Variants in TVP23C observed in about 807,000 individuals in gnomAD.
TVP23C encodes the protein Golgi apparatus membrane protein TVP23 homolog C.
In TVP23C, 19 loss-of-function variants were observed where a neutral mutation model predicts 28.7. The observed-to-expected ratio is 0.66, with a 90% CI of 0.46 to 0.97. The LOEUF is 0.97. Among genes scored for constraint, TVP23C ranks in the 50% least tolerant of loss-of-function variants. TVP23C has a pLI of 0.00. For synonymous variants in TVP23C, 68 were observed against 81.7 expected (o/e 0.83, Z 0.90); for missense variants, 186 against 241.3 (o/e 0.77, Z 1.52).
chr17:15,535,416 T>C (rs558716835), downstream of TVP23C, among the ~76,000 whole-genome samples: 4,651 of 150,252 alleles, frequency 0.031, 247 homozygotes, highest in African/African-American at 0.11. Context: ...AACTACACAG[T>C]GTAGGTGTTC....
downstream of TVP23C, among the ~76,000 whole-genome samples, chr17:15,532,836 T>C (rs907811746): frequency 6.6e-6 from 1 of 152,212 alleles, no homozygotes; most frequent in Non-Finnish European, 1.5e-5. Context: ...ATCTACTACA[T>C]TCACTTAGAA....
chr17:15,555,390 A>C (rs779517105), intron 1 of TVP23C, 26 bp from the exon 2 acceptor site: 4 of 1,613,924 alleles, frequency 2.5e-6, no homozygotes, highest in Non-Finnish European at 3.4e-6. Flanking sequence ...AATGGTCAAG[A>C]AGCAAAACAA....
chr17:15,544,964 T>C (rs1387199371), intron 5 of TVP23C, among the ~76,000 whole-genome samples: 4 of 152,158 alleles, frequency 2.6e-5, no homozygotes, highest in Non-Finnish European at 4.4e-5. Context: ...TATTTATTCA[T>C]ATCAGATATA....
chr17:15,507,114 G>T, intron 5 of TVP23C: 1 of 960,696 alleles, frequency 1.0e-6, no homozygotes, highest in Non-Finnish European at 1.7e-6. Flanking sequence ...ATTTGATGTC[G>T]AGGACTTCAC....
intron 5 of TVP23C, among the ~76,000 whole-genome samples, chr17:15,514,121 A>T (rs1236122269): frequency 1.3e-5 from 2 of 152,222 alleles, no homozygotes; most frequent in African/African-American, 2.4e-5. Flanking sequence ...CAGAGGCTGG[A>T]CTTTCAAGGT....
chr17:15,506,234 A>G (rs1187878446), intron 5 of TVP23C, among the ~76,000 whole-genome samples: 1 of 150,950 alleles, frequency 6.6e-6, no homozygotes, highest in Admixed American at 6.6e-5. Context: ...GTTTAGCTCA[A>G]GGTTTGTGAG....
At chr17:15,530,505 T>A (rs1469708207) in intron 5 of TVP23C, among the ~76,000 whole-genome samples, 1 of 152,228 alleles carries the variant, frequency 6.6e-6, no homozygotes, top group African/African-American at 2.4e-5. Context: ...CATTATTTCA[T>A]AAGTACTGCT....
chr17:15,553,922 G>A (rs551590066), intron 2 of TVP23C, 93 bp from the exon 3 acceptor site: 1 of 1,579,282 alleles, frequency 6.3e-7, no homozygotes, highest in East Asian at 2.2e-5. Context: ...TCGTGTAACT[G>A]TGAAGAGTTT....
intron 5 of TVP23C, among the ~76,000 whole-genome samples, chr17:15,525,020 T>G (rs2654410): frequency 6.6e-6 from 1 of 152,214 alleles, no homozygotes; most frequent in African/African-American, 2.4e-5. Flanking sequence ...TCTCCAGGAA[T>G]GAGGTGTCTC....
rs576576726 is a variant in TVP23C, at chr17:15,509,839, T to C, written c.463-6607A>G. On this transcript the variant is annotated intron_variant, in intron 5 of 5. Transcript: ENST00000225576. The stretch of plus-strand genomic sequence containing the variant: ...TCCTTCCCTGGCTCACATGGCATGC[T>C]CTCACTTGGCTCTTACTGTGCTCTT... Among the ~76,000 whole-genome samples the C allele has an allele frequency of 3.3e-5, 5 of 152,350 alleles. No individual in the cohort carries two copies. In the East Asian group the frequency reaches 9.6e-4, roughly 29 times the overall value.
intron 3 of TVP23C, among the ~76,000 whole-genome samples, chr17:15,551,108 T>C (rs532916727): frequency 6.6e-6 from 1 of 150,976 alleles, no homozygotes; most frequent in African/African-American, 2.5e-5. Context: ...ATTTTACTAA[T>C]AGTTGCCATT....
chr17:15,528,240 C>T (rs1169672642), intron 5 of TVP23C, among the ~76,000 whole-genome samples: 1 of 152,134 alleles, frequency 6.6e-6, no homozygotes, highest in Non-Finnish European at 1.5e-5. Context: ...TTTACTGTTA[C>T]GGATTTCTCT....
chr17:15,522,826 T>TTGGTCTG (rs200311069), intron 5 of TVP23C, among the ~76,000 whole-genome samples: 7,522 of 152,188 alleles, frequency 0.049, 266 homozygotes, highest in Non-Finnish European at 0.072. Context: ...GCAGATCACC[T>TTGGTCTG]GAGGTCAGGA....
At chr17:15,558,690 G>C (rs1984242637) in intron 1 of TVP23C, among the ~76,000 whole-genome samples, 1 of 148,416 alleles carries the variant, frequency 6.7e-6, no homozygotes, top group African/African-American at 2.4e-5. Flanking sequence ...GTGTTTAGAA[G>C]CTGAATCAGG....
At chr17:15,521,819 G>T (rs927685751) in intron 5 of TVP23C, among the ~76,000 whole-genome samples, 9 of 152,178 alleles carry the variant, frequency 5.9e-5, no homozygotes, top group African/African-American at 2.2e-4. Context: ...TCACACAGAG[G>T]TCTATAAGTC....
At chr17:15,507,146 C>T (rs917747635) in intron 5 of TVP23C, 2 of 807,148 alleles carry the variant, frequency 2.5e-6, no homozygotes, top group African/African-American at 1.7e-5. Flanking sequence ...CAGGTCCTGA[C>T]ATCTTGTCCA....
rs150458494 is a variant in TVP23C, at chr17:15,525,700, G to A, written c.462+20085C>T. The stretch of plus-strand genomic sequence containing the variant: ...TGTGTGCATGTGTGTGTGCATGCAC[G>A]CGTGTGCATGCGCCCACGTTCATCT... On this transcript the variant is annotated intron_variant, in intron 5 of 5. Coordinates refer to the TVP23C transcript ENST00000225576. 2.0e-4 allele frequency among the ~76,000 whole-genome samples: 30 copies of A among 152,282 alleles called. No homozygotes were observed. In the East Asian group the frequency reaches 4.3e-3, roughly 22 times the overall value.
chr17:15,517,799 G>A (rs1295921513), intron 5 of TVP23C, among the ~76,000 whole-genome samples: 1 of 152,108 alleles, frequency 6.6e-6, no homozygotes, highest in Non-Finnish European at 1.5e-5. Context: ...AGAAACAGAA[G>A]GTGAGCTCAG....
intron 5 of TVP23C, among the ~76,000 whole-genome samples, chr17:15,505,648 G>T (rs943825609): frequency 6.6e-6 from 1 of 152,216 alleles, no homozygotes; most frequent in Non-Finnish European, 1.5e-5. Context: ...CCCTTTCTGG[G>T]CTGGCCAAGG....
Sources: allele counts gnomAD v4.1 joint callset (sites outside exome capture counted in the v4.1 genomes callset), GRCh38; gene constraint gnomAD v4.1.1; transcripts MANE v1.5; gene names NCBI Gene and HGNC (gene_info 2026-07-23, HGNC 2026-07-21).